DIP2B: variants seen among roughly 807,000 people sequenced by gnomAD.
DIP2B encodes disco-interacting protein 2 homolog B.
DIP2B carries 76 observed loss-of-function variants against 198.0 expected under a neutral mutation model. That is an observed-to-expected ratio of 0.38 (90% CI 0.32 to 0.46). The LOEUF (loss-of-function observed/expected upper bound fraction) is 0.46. Ranked by LOEUF, DIP2B falls within the 20% of genes least tolerant of loss-of-function variation. DIP2B has a pLI of 0.99. For synonymous variants in DIP2B, 701 were observed against 739.1 expected, an observed-to-expected ratio of 0.95 and a Z score of 0.84; for missense variants, 1,559 against 1,978.4, an observed-to-expected ratio of 0.79 and a Z score of 4.02.
chr12:50,525,417 A>G (rs569507976), intron 1 of DIP2B, among the ~76,000 whole-genome samples: 181 of 152,018 alleles, frequency 1.2e-3, no homozygotes, highest in African/African-American at 4.0e-3. Context: ...ACAATTTAAA[A>G]GAGGGTGGTC....
At chr12:50,555,914 G>A (rs1445627964) in intron 1 of DIP2B, among the ~76,000 whole-genome samples, 2 of 152,146 alleles carry the variant, frequency 1.3e-5, no homozygotes, top group African/African-American at 2.4e-5. Context: ...GGCCATGTTT[G>A]TGTAGCAGCT....
At chr12:50,704,395 A>G (rs1450721899) in intron 20 of DIP2B, among the ~76,000 whole-genome samples, 175 bp downstream of exon 20, 2 of 152,130 alleles carry the variant, frequency 1.3e-5, no homozygotes, top group Non-Finnish European at 2.9e-5. Flanking sequence ...CATTTCCACT[A>G]CCCAAGTTCA....
chr12:50,565,148 A>G (rs772732986), intron 1 of DIP2B, among the ~76,000 whole-genome samples: 13 of 151,814 alleles, frequency 8.6e-5, no homozygotes, highest in Non-Finnish European at 1.8e-4. Flanking sequence ...GACTAAAGGC[A>G]TGCACTGCCA....
chr12:50,537,533 A>G (rs1049077643), intron 1 of DIP2B, among the ~76,000 whole-genome samples: 1 of 152,132 alleles, frequency 6.6e-6, no homozygotes, highest in Non-Finnish European at 1.5e-5. Context: ...ACAATGTGGG[A>G]AGACCATCCC....
intron 3 of DIP2B, among the ~76,000 whole-genome samples, chr12:50,645,739 G>A (rs2139493010): frequency 6.6e-6 from 1 of 152,064 alleles, no homozygotes; most frequent in East Asian, 1.9e-4. Context: ...GGATTACAGT[G>A]GTGAACCATT....
At chr12:50,733,982 AT>A (rs1282956881) in intron 32 of DIP2B, among the ~76,000 whole-genome samples, 152 bp from the exon 33 acceptor site, 6 of 152,338 alleles carry the variant, frequency 3.9e-5, no homozygotes, top group Admixed American at 3.9e-4. Flanking sequence ...AGTCCCCGTG[AT>A]AAGAGTGAGA....
chr12:50,674,363 A>G (rs2139527369), intron 5 of DIP2B, 111 bp from the exon 6 acceptor site: 1 of 1,103,242 alleles, frequency 9.1e-7, no homozygotes, highest in Admixed American at 2.3e-5. Context: ...TACAAGAGCC[A>G]GTGCCCCCAT....
intron 1 of DIP2B, among the ~76,000 whole-genome samples, chr12:50,561,563 C>T (rs1287445456): frequency 1.3e-5 from 2 of 152,174 alleles, no homozygotes; most frequent in East Asian, 1.9e-4. Flanking sequence ...TTTATGGAAA[C>T]GATACTCCCG....
chr12:50,592,365 A>G (rs906553479), intron 1 of DIP2B, among the ~76,000 whole-genome samples: 2 of 151,280 alleles, frequency 1.3e-5, no homozygotes, highest in African/African-American at 4.9e-5. Flanking sequence ...TTGTTGTGAC[A>G]AGGTTTCATG....
intron 1 of DIP2B, among the ~76,000 whole-genome samples, chr12:50,512,776 C>G (rs917824114): frequency 2.6e-5 from 4 of 152,104 alleles, no homozygotes; most frequent in African/African-American, 9.7e-5. Context: ...GAGGCGGAGC[C>G]GGGTGGATTG....
At chr12:50,611,794 C>T (rs1462733028) in intron 1 of DIP2B, among the ~76,000 whole-genome samples, 1 of 152,142 alleles carries the variant, frequency 6.6e-6, no homozygotes, top group African/African-American at 2.4e-5. Context: ...GGGCTTTTAG[C>T]AAGAAATGCC....
chr12:50,529,415 A>G (rs555755295), intron 1 of DIP2B, among the ~76,000 whole-genome samples: 32 of 152,354 alleles, frequency 2.1e-4, no homozygotes, highest in African/African-American at 6.3e-4. Context: ...TATTCTGGGA[A>G]GGACTGTCCA....
At chr12:50,675,085 A>G (rs1938922970) in intron 6 of DIP2B, among the ~76,000 whole-genome samples, 1 of 152,194 alleles carries the variant, frequency 6.6e-6, no homozygotes, top group Non-Finnish European at 1.5e-5. Context: ...GCGAGACTCC[A>G]TCTCAAAAAA....
intron 2 of DIP2B, among the ~76,000 whole-genome samples, chr12:50,639,591 C>CTT (rs970097290): frequency 7.0e-6 from 1 of 143,846 alleles, no homozygotes; most frequent in African/African-American, 2.5e-5. Flanking sequence ...TGCTTTGAGT[C>CTT]TTTTTTTTTT....
At chr12:50,692,822 G>A (rs1939244438) in intron 13 of DIP2B, 127 bp from the exon 14 acceptor site, 3 of 762,494 alleles carry the variant, frequency 3.9e-6, no homozygotes, top group Middle Eastern at 6.6e-4. Flanking sequence ...GGGTGACAGA[G>A]GTGAGACTCC....
chr12:50,614,755 C>G (rs1937663009), intron 1 of DIP2B, among the ~76,000 whole-genome samples: 1 of 152,188 alleles, frequency 6.6e-6, no homozygotes, highest in African/African-American at 2.4e-5. Flanking sequence ...AAACCTATGC[C>G]AAACACAGAA....
chr12:50,657,864 C>G (rs1938580877), intron 3 of DIP2B, among the ~76,000 whole-genome samples: 1 of 151,768 alleles, frequency 6.6e-6, no homozygotes, highest in Non-Finnish European at 1.5e-5. Flanking sequence ...TCCAGTAGAT[C>G]CCAGATCAGG....
At chr12:50,545,674 C>CT (rs71441371) in intron 1 of DIP2B, among the ~76,000 whole-genome samples, 9,959 of 139,582 alleles carry the variant, frequency 0.071, 764 homozygotes, top group East Asian at 0.37. Context: ...TGGAGGCAGA[C>CT]TTTTTTTTTT....
Position 50,671,263 on chromosome 12 carries a change from C to A in DIP2B, c.505C>A (p.Gln169Lys), listed in dbSNP as rs780653424. The A allele has an allele frequency of 6.2e-7, 1 of 1,614,052 alleles. No homozygotes were observed. Among genetic ancestry groups the A allele is most frequent in the Non-Finnish European group, 8.5e-7 (1 of 1,180,042 alleles). Residue 169 changes from glutamine to lysine, a missense_variant, in exon 5 of 38, where the codon CAG (glutamine) becomes AAG (lysine). Physicochemically the swap from Gln to Lys is moderately conservative, Grantham distance 53 (BLOSUM62 1). Coordinates refer to ENST00000301180, the MANE Select transcript of DIP2B (RefSeq NM_173602.3). Reference sequence around the variant, plus strand: ...CTCTGCTGCCTTGCAACAGAGCTTACAGAATGCTGAGTCCTGGATCAACCG... The same window carrying A: ...CTCTGCTGCCTTGCAACAGAGCTTAAAGAATGCTGAGTCCTGGATCAACCG... Reference protein sequence around the residue: ...ALSAALQQSLQNAESWINRSI... With the variant: ...ALSAALQQSLKNAESWINRSI...
Sources: allele counts gnomAD v4.1 joint callset (sites outside exome capture counted in the v4.1 genomes callset), GRCh38; gene constraint gnomAD v4.1.1; transcripts MANE v1.5; gene names NCBI Gene and HGNC (gene_info 2026-07-23, HGNC 2026-07-21).